The following MYH15 variants were observed in gnomAD, a reference collection of about 807,000 sequenced individuals.
MYH15 encodes myosin-15.
In MYH15, 227 loss-of-function variants were observed where a neutral mutation model predicts 240.5. The observed-to-expected ratio is 0.94, with a 90% CI of 0.85 to 1.05. The LOEUF is 1.05. Among genes scored for constraint, MYH15 ranks in the 50% least tolerant of loss-of-function variants. MYH15 has a pLI of 0.00. For missense variants in MYH15, 2,217 were observed against 2,247.5 expected (o/e 0.99, Z 0.27); for synonymous variants, 785 against 796.7 (o/e 0.99, Z 0.25).
intron 25 of MYH15, among the ~76,000 whole-genome samples, chr3:108,436,500 C>G (rs563183760): frequency 6.6e-6 from 1 of 152,314 alleles, no homozygotes; most frequent in African/African-American, 2.4e-5. Flanking sequence ...ACTCTCTTCC[C>G]TCTTTCACTG....
rs2082349209 is a variant in MYH15 at position 108,382,271 on chromosome 3, C to A, written c.5767-712G>T. Among the ~76,000 whole-genome samples, 21 of 152,300 alleles carry A rather than the reference C, an allele frequency of 1.4e-4. 1 individual carries two copies. In the South Asian group the frequency reaches 4.1e-3, roughly 30 times the overall value. Reference sequence around the variant, plus strand: ...ACTTAATTGCCCCTCTCGCATAGGACTTATCCTTGAGGCAGCTATTCAGGC... The same window carrying A: ...ACTTAATTGCCCCTCTCGCATAGGAATTATCCTTGAGGCAGCTATTCAGGC... On this transcript the variant is annotated intron_variant, in intron 40 of 40. Transcript: ENST00000693548.
At chr3:108,482,178 G>A (rs2083272698) in intron 11 of MYH15, among the ~76,000 whole-genome samples, 1 of 152,140 alleles carries the variant, frequency 6.6e-6, no homozygotes, top group Admixed American at 6.6e-5. Context: ...TTTGAGTCAG[G>A]GCAATTGGGA....
intron 1 of MYH15, among the ~76,000 whole-genome samples, chr3:108,525,593 TAGA>T (rs1250459598): frequency 6.6e-6 from 1 of 152,154 alleles, no homozygotes; most frequent in Non-Finnish European, 1.5e-5. Flanking sequence ...ACTTTCCAGC[TAGA>T]AGGATTAATG....
intron 6 of MYH15, among the ~76,000 whole-genome samples, chr3:108,497,009 A>T (rs2083396392): frequency 6.6e-6 from 1 of 151,654 alleles, no homozygotes; most frequent in Admixed American, 6.6e-5. Flanking sequence ...AAAATACAAA[A>T]AATTAGCCGG....
chr3:108,385,513 G>A (rs2082376408), intron 38 of MYH15, among the ~76,000 whole-genome samples: 1 of 152,156 alleles, frequency 6.6e-6, no homozygotes, highest in Admixed American at 6.5e-5. Context: ...AGAGCCTTTG[G>A]TATTCCAGAG....
Position 108,383,641 on chromosome 3 carries a change from G to T in MYH15, c.5720C>A (p.Ser1907Tyr). ...EVKERAEVAESQVNKLKIKAR... is the reference protein window; with the variant it reads ...EVKERAEVAEYQVNKLKIKAR... ...TTTAATTTTGAGTTTATTGACTTGA[G>T]ATTCTGCCACCTCTGCCCTTTCCTT... The change falls in exon 40 of 41, where the codon TCT becomes TAT. Residue 1907 changes from serine (S) to tyrosine (Y), a missense_variant. Coordinates refer to ENST00000693548, the MANE Select transcript of MYH15 (RefSeq NM_014981.3). The T allele has an allele frequency of 6.2e-7, 1 of 1,612,496 alleles. No homozygotes were observed. Among genetic ancestry groups the T allele is most frequent in the South Asian group, 1.1e-5 (1 of 90,962 alleles).
intron 16 of MYH15, among the ~76,000 whole-genome samples, chr3:108,461,214 G>A (rs533099137): frequency 2.0e-5 from 3 of 152,290 alleles, no homozygotes; most frequent in Non-Finnish European, 2.9e-5. Flanking sequence ...GCAACTGTGC[G>A]ATGGCAGATG....
At chr3:108,541,540 C>T in the MYH15 span, among the ~76,000 whole-genome samples, 4 of 151,676 alleles carry the variant, frequency 2.6e-5, no homozygotes, top group East Asian at 7.7e-4. Flanking sequence ...GAAAAGGAAA[C>T]AAATAGTTTT....
upstream of MYH15, among the ~76,000 whole-genome samples, chr3:108,532,890 A>G (rs372039853): frequency 3.9e-5 from 6 of 152,260 alleles, no homozygotes; most frequent in East Asian, 1.2e-3. Flanking sequence ...AAACCAATGT[A>G]TTGGCTACTG....
intron 20 of MYH15, among the ~76,000 whole-genome samples, chr3:108,454,583 C>T (rs138785548): frequency 1.7e-3 from 261 of 152,038 alleles, no homozygotes; most frequent in African/African-American, 6.0e-3. Context: ...TTAAACAATT[C>T]GTGAACCATC....
intron 33 of MYH15, among the ~76,000 whole-genome samples, chr3:108,401,117 T>A (rs193034860): frequency 2.9e-4 from 44 of 152,250 alleles, no homozygotes; most frequent in Non-Finnish European, 4.4e-4. Flanking sequence ...GGGATCCCAC[T>A]AGGTAAAGTT....
chr3:108,528,199 A>G (rs962082914), intron 1 of MYH15, among the ~76,000 whole-genome samples: 5 of 152,182 alleles, frequency 3.3e-5, no homozygotes, highest in African/African-American at 1.2e-4. Flanking sequence ...TTTCATTTTA[A>G]ATACAATAAT....
intron 29 of MYH15, among the ~76,000 whole-genome samples, chr3:108,416,410 G>A (rs951752338): frequency 6.6e-6 from 1 of 152,122 alleles, no homozygotes; most frequent in Non-Finnish European, 1.5e-5. Flanking sequence ...TACACTCATA[G>A]GAAGAAATGA....
intron 11 of MYH15, among the ~76,000 whole-genome samples, chr3:108,477,006 C>CA (rs1172450793): frequency 3.3e-5 from 5 of 151,992 alleles, no homozygotes; most frequent in Admixed American, 2.0e-4. Flanking sequence ...TATGTTCACA[C>CA]AAAAAATTGT....
upstream of MYH15, among the ~76,000 whole-genome samples, chr3:108,511,119 C>T (rs571198707): frequency 6.6e-6 from 1 of 151,810 alleles, no homozygotes; most frequent in Admixed American, 6.6e-5. Context: ...CTTTGATAGG[C>T]GTGGAGGGGG....
chr3:108,421,427 T>C (rs1199577233), intron 27 of MYH15, among the ~76,000 whole-genome samples: 1 of 152,238 alleles, frequency 6.6e-6, no homozygotes, highest in African/African-American at 2.4e-5. Context: ...TTGCAGAGTA[T>C]AGGTGTCACG....
the MYH15 span, among the ~76,000 whole-genome samples, chr3:108,541,492 C>A: frequency 6.6e-6 from 1 of 151,232 alleles, no homozygotes; most frequent in Non-Finnish European, 1.5e-5. Flanking sequence ...AGATGAATAA[C>A]CCACAGGAGA....
intron 10 of MYH15, 104 bp from the exon 11 acceptor site, chr3:108,485,333 G>A (rs1314049238): frequency 3.2e-6 from 4 of 1,266,626 alleles, no homozygotes; most frequent in Non-Finnish European, 4.5e-6. Flanking sequence ...TGAGGGGAAT[G>A]AGACAGACAG....
rs754555564 is a variant in MYH15, at chr3:108,500,102, T to G, written c.496+16A>C. On this transcript the variant is annotated intron_variant, in intron 4 of 40. Transcript: ENST00000693548. ...TCAGATATTTTTACTTTTCATTTTG[T>G]AGGGCAGCTACTCACTGTGAAGCAT... The G allele has an allele frequency of 6.2e-7, 1 of 1,606,526 alleles. No individual in the cohort carries two copies. The highest frequency in any genetic ancestry group is 1.7e-5 in the Admixed American group (1 of 57,868).
Sources: allele counts gnomAD v4.1 joint callset (sites outside exome capture counted in the v4.1 genomes callset), GRCh38; gene constraint gnomAD v4.1.1; transcripts MANE v1.5; gene names NCBI Gene and HGNC (gene_info 2026-07-23, HGNC 2026-07-21).